LRRC4B: variants seen among roughly 807,000 people sequenced by gnomAD.
The protein encoded by LRRC4B is leucine-rich repeat-containing protein 4B.
LRRC4B carries 1 observed loss-of-function variant against 7.3 expected under a neutral mutation model. That is an observed-to-expected ratio of 0.14 (90% CI 0.05 to 0.65). The LOEUF (loss-of-function observed/expected upper bound fraction) is 0.65. LRRC4B is among the 30% of genes least tolerant of loss of function. The pLI is 0.84. For missense variants in LRRC4B, 730 were observed against 1,041.6 expected, an observed-to-expected ratio of 0.70 and a Z score of 4.12; for synonymous variants, 500 against 499.2, an observed-to-expected ratio of 1.00 and a Z score of -0.02.
intron 2 of LRRC4B, among the ~76,000 whole-genome samples, chr19:50,542,683 G>T (rs1009700655): frequency 6.6e-6 from 1 of 151,852 alleles, no homozygotes; most frequent in African/African-American, 2.4e-5. Flanking sequence ...CACCATGTTG[G>T]CCAGGCTGGT....
intron 2 of LRRC4B, among the ~76,000 whole-genome samples, chr19:50,529,978 G>A (rs149414676): frequency 9.5e-4 from 136 of 142,570 alleles, no homozygotes; most frequent in African/African-American, 3.4e-3. Flanking sequence ...CCTTTTCTCA[G>A]TGGGCCCCCC....
In LRRC4B at chr19:50,553,794, T is replaced by G. The variant is rs369755687; in HGVS notation, c.-35-4921A>C. On this transcript the variant is annotated intron_variant, in intron 1 of 2. Transcript: ENST00000652263. The surrounding 1 kb of genome is among the most constrained non-coding windows in gnomAD (Gnocchi z 4.2). ...TGGCAGTTGCTCACCAAACACTGGGTGCAGGGACGGATGGGTACGTTATCA... is the reference window on the plus strand; with the variant it reads ...TGGCAGTTGCTCACCAAACACTGGGGGCAGGGACGGATGGGTACGTTATCA... Among the ~76,000 whole-genome samples the G allele has an allele frequency of 1.0e-3, 153 of 152,194 alleles. No homozygotes were observed. Among genetic ancestry groups the G allele is most frequent in the African/African-American group, 3.6e-3 (148 of 41,518 alleles).
intron 1 of LRRC4B, among the ~76,000 whole-genome samples, chr19:50,554,648 G>T (rs1982211000): frequency 6.6e-6 from 1 of 152,162 alleles, no homozygotes; most frequent in South Asian, 2.1e-4. Flanking sequence ...ACTGAATAAT[G>T]ACACCACCAA....
intron 2 of LRRC4B, among the ~76,000 whole-genome samples, chr19:50,538,597 C>G (rs1484779355): frequency 9.4e-6 from 1 of 106,894 alleles, no homozygotes; most frequent in Non-Finnish European, 1.7e-5. Context: ...GAGACAGAGT[C>G]TTGCTCTGCC....
At chr19:50,550,291 T>A (rs1440527722) in intron 1 of LRRC4B, among the ~76,000 whole-genome samples, 1 of 151,996 alleles carries the variant, frequency 6.6e-6, no homozygotes, top group East Asian at 1.9e-4. Context: ...GCACGCAGCA[T>A]CTCTGAGTAC....
chr19:50,548,947 AC>A lies in LRRC4B; in HGVS notation c.-35-75del. 2 of 805,006 alleles carry A rather than the reference AC, an allele frequency of 2.5e-6. No homozygotes were observed. Among genetic ancestry groups the A allele is most frequent in the Non-Finnish European group, 1.9e-6 (1 of 527,656 alleles). 49.9% of individuals were successfully genotyped at this position (805,006 alleles called of 1,614,324 possible). ...CCATGTGGCCTGGGTGCTTGCCAAC[AC>A]CCAGGCAGCCCCATCGCCGCCTCCC... On this transcript the variant is annotated intron_variant, in intron 1 of 2. Transcript: ENST00000652263. This position sits in a 1 kb window ranked among gnomAD's most constrained non-coding sequence, Gnocchi z 6.8.
intron 1 of LRRC4B, among the ~76,000 whole-genome samples, chr19:50,560,757 A>G (rs2122928966): frequency 6.6e-6 from 1 of 152,336 alleles, no homozygotes; most frequent in Admixed American, 6.5e-5. Context: ...GACCATGTAC[A>G]GTGCTTGACA....
At position 50,547,802 on chromosome 19, in the gene LRRC4B, C is replaced by A. The variant is rs181596081; in HGVS notation, c.297+740G>T. 6.6e-3 allele frequency among the ~76,000 whole-genome samples: 999 copies of A among 151,718 alleles called. 6 individuals carry two copies. Among genetic ancestry groups the A allele is most frequent in the Non-Finnish European group, 9.3e-3 (629 of 67,938 alleles). On this transcript the variant is annotated intron_variant, in intron 2 of 2. Coordinates refer to ENST00000652263, the MANE Select transcript of LRRC4B (RefSeq NM_001080457.2). ...TTCTAATAGCACAGCTCTGTCCCCCCAAGCCCTCGCTTACGGCCTATCCTA... is the reference window on the plus strand; with the variant it reads ...TTCTAATAGCACAGCTCTGTCCCCCAAAGCCCTCGCTTACGGCCTATCCTA...
chr19:50,517,826 G>A lies in LRRC4B; in HGVS notation c.1887C>T (p.Ala629=), dbSNP rs745768348. ...NVEDELPAAS[A]VSVAAAAAVA... is the part of the protein sequence containing the mutation. Reference sequence around the variant, plus strand: ...CGGCGGCCGCGGCGGCCACGGACACGGCCGAGGCGGCGGGCAGCTCGTCCT... The same window carrying A: ...CGGCGGCCGCGGCGGCCACGGACACAGCCGAGGCGGCGGGCAGCTCGTCCT... Residue 629 remains alanine (A), a synonymous_variant, in exon 3 of 3, where the codon GCC becomes GCT. Coordinates refer to ENST00000652263, the MANE Select transcript of LRRC4B (RefSeq NM_001080457.2). The surrounding 1 kb of genome is among the most constrained non-coding windows in gnomAD (Gnocchi z 6.6). 6.4e-7 allele frequency: 1 copy of A among 1,568,686 alleles called. No homozygotes were observed. The highest frequency in any genetic ancestry group is 8.6e-7 in the Non-Finnish European group (1 of 1,162,296).
At chr19:50,562,166 C>CA (rs1448303346) in intron 1 of LRRC4B, among the ~76,000 whole-genome samples, 1 of 151,708 alleles carries the variant, frequency 6.6e-6, no homozygotes, top group Non-Finnish European at 1.5e-5. Context: ...CCCAATGGAC[C>CA]AGTGCATTCT....
chr19:50,536,457 C>A (rs751323253), intron 2 of LRRC4B, among the ~76,000 whole-genome samples: 8 of 152,170 alleles, frequency 5.3e-5, no homozygotes, highest in Non-Finnish European at 8.8e-5. Context: ...TTCTGAACGA[C>A]CTCTTTCTGC....
chr19:50,558,183 G>C (rs1278794792), intron 1 of LRRC4B, among the ~76,000 whole-genome samples: 3 of 149,952 alleles, frequency 2.0e-5, no homozygotes, highest in African/African-American at 7.4e-5. Context: ...AAGTTGGTCA[G>C]GGGTCAACTG....
At chr19:50,528,932 G>A (rs909925579) in intron 2 of LRRC4B, among the ~76,000 whole-genome samples, 17 of 152,152 alleles carry the variant, frequency 1.1e-4, no homozygotes, top group East Asian at 3.9e-4. Flanking sequence ...GCACCCAGCC[G>A]GAGATGCGAC....
chr19:50,566,438 C>T (rs990405683), intron 1 of LRRC4B, among the ~76,000 whole-genome samples: 2 of 151,554 alleles, frequency 1.3e-5, no homozygotes, highest in Non-Finnish European at 2.9e-5. Context: ...CTGGGCTCTC[C>T]CCAGGGGAAT....
At chr19:50,565,562 T>TAC (rs1982602705) in intron 1 of LRRC4B, among the ~76,000 whole-genome samples, 1 of 144,174 alleles carries the variant, frequency 6.9e-6, no homozygotes, top group African/African-American at 2.5e-5. Flanking sequence ...TGTGTGTGTG[T>TAC]ACCTGCCAGG....
chr19:50,550,628 C>T (rs888121384), intron 1 of LRRC4B, among the ~76,000 whole-genome samples: 2 of 151,976 alleles, frequency 1.3e-5, no homozygotes, highest in South Asian at 2.1e-4. Flanking sequence ...TGTGTGAGAG[C>T]GAGGGCTAGA....
intron 2 of LRRC4B, among the ~76,000 whole-genome samples, chr19:50,541,906 A>T (rs1981566079): frequency 6.6e-6 from 1 of 152,116 alleles, no homozygotes; most frequent in African/African-American, 2.4e-5. Context: ...TGGCAGATGG[A>T]CGGGGGTGGG....
intron 1 of LRRC4B, among the ~76,000 whole-genome samples, chr19:50,551,483 C>CCCGA (rs1306429304): frequency 2.0e-5 from 3 of 146,772 alleles, no homozygotes; most frequent in South Asian, 2.3e-4. Context: ...TCGACTCTCC[C>CCCGA]CCGACCGCAG....
intron 2 of LRRC4B, among the ~76,000 whole-genome samples, chr19:50,532,606 G>A (rs953826438): frequency 1.3e-5 from 2 of 152,126 alleles, no homozygotes; most frequent in African/African-American, 4.8e-5. Flanking sequence ...CCTTGGAAAA[G>A]CCCTTTTTGA....
Sources: allele counts gnomAD v4.1 joint callset (sites outside exome capture counted in the v4.1 genomes callset), GRCh38; gene constraint gnomAD v4.1.1; non-coding constraint Gnocchi (gnomAD v3.1); transcripts MANE v1.5; gene names NCBI Gene and HGNC (gene_info 2026-07-23, HGNC 2026-07-21).